The following DIAPH3 variants were observed in gnomAD, a reference collection of about 807,000 sequenced individuals.
DIAPH3 encodes protein diaphanous homolog 3.
DIAPH3 carries 117 observed loss-of-function variants against 144.3 expected under a neutral mutation model. The observed-to-expected ratio is 0.81, with a 90% confidence interval of 0.70 to 0.95. DIAPH3 has a LOEUF of 0.95. Among genes scored for constraint, DIAPH3 ranks in the 40% least tolerant of loss-of-function variants. DIAPH3 has a pLI of 0.00. For synonymous variants in DIAPH3, 519 were observed against 488.9 expected (o/e 1.06, Z -0.81); for missense variants, 1,421 against 1,412.7 (o/e 1.01, Z -0.09).
chr13:60,055,986 T>C (rs770483040), intron 4 of DIAPH3, among the ~76,000 whole-genome samples: 62 of 151,762 alleles, frequency 4.1e-4, no homozygotes, highest in Non-Finnish European at 7.5e-4. Context: ...TAATGTTTCA[T>C]ACACTTGAAA....
At chr13:60,104,620 A>G (rs533342077) in intron 3 of DIAPH3, among the ~76,000 whole-genome samples, 12 of 152,162 alleles carry the variant, frequency 7.9e-5, no homozygotes, top group African/African-American at 2.9e-4. Flanking sequence ...AAATTTAAAT[A>G]TCACTTTTCT....
chr13:59,810,857 T>C lies in DIAPH3; in HGVS notation c.3094A>G (p.Lys1032Glu). ...AGTCTTTCTCGCTCTGCTAATTCTT[T>C]AGCTATTCTGACACGTTTTTCTTTT... ...EEKEKRVRIA[K>E]ELAERERLER... The change falls in exon 25 of 28, where the codon AAA (lysine) becomes GAA (glutamate). Residue 1032 changes from lysine to glutamate, a missense_variant. Transcript: ENST00000400324. 1.9e-6 allele frequency: 3 copies of C among 1,613,584 alleles called. No individual in the cohort carries two copies. Among genetic ancestry groups the C allele is most frequent in the Non-Finnish European group, 2.5e-6 (3 of 1,179,910 alleles).
chr13:60,085,348 T>A (rs1445609203), intron 4 of DIAPH3, among the ~76,000 whole-genome samples: 1 of 152,114 alleles, frequency 6.6e-6, no homozygotes, highest in Non-Finnish European at 1.5e-5. Context: ...AAATGGTCCA[T>A]GCTTAGCCTT....
intron 24 of DIAPH3, among the ~76,000 whole-genome samples, chr13:59,827,986 T>A (rs2041545429): frequency 6.6e-6 from 1 of 152,058 alleles, no homozygotes; most frequent in South Asian, 2.1e-4. Context: ...GATTGGTTAA[T>A]AGCATGCAGT....
At chr13:59,700,195 G>A (rs2034024963) in intron 27 of DIAPH3, among the ~76,000 whole-genome samples, 1 of 152,174 alleles carries the variant, frequency 6.6e-6, no homozygotes, top group South Asian at 2.1e-4. Flanking sequence ...GGAGGAAAGA[G>A]CAATTCTAAT....
chr13:59,779,130 T>C (rs2038589363), intron 25 of DIAPH3, among the ~76,000 whole-genome samples: 1 of 152,202 alleles, frequency 6.6e-6, no homozygotes, highest in South Asian at 2.1e-4. Flanking sequence ...CTGGAACCTC[T>C]ACCCCTGCTC....
intron 17 of DIAPH3, among the ~76,000 whole-genome samples, chr13:59,961,921 C>T (rs889217450): frequency 6.6e-6 from 1 of 151,978 alleles, no homozygotes; most frequent in African/African-American, 2.4e-5. Flanking sequence ...TAATGAGTTT[C>T]ATATTTTGTC....
chr13:60,058,048 T>G (rs530890615), intron 4 of DIAPH3, among the ~76,000 whole-genome samples: 1 of 151,876 alleles, frequency 6.6e-6, no homozygotes, highest in South Asian at 2.1e-4. Context: ...AAATGGAACC[T>G]AATTAAACTT....
At chr13:59,761,749 GA>G (rs1485270878) in intron 27 of DIAPH3, among the ~76,000 whole-genome samples, 1 of 152,100 alleles carries the variant, frequency 6.6e-6, no homozygotes, top group Non-Finnish European at 1.5e-5. Flanking sequence ...GTAGAACAGA[GA>G]AAATTCCTCT....
chr13:59,920,507 T>A (rs1397276254), intron 18 of DIAPH3, among the ~76,000 whole-genome samples: 1 of 140,808 alleles, frequency 7.1e-6, no homozygotes, highest in African/African-American at 2.5e-5. Flanking sequence ...CTTGTAAACA[T>A]ATATATGTGT....
At chr13:60,002,035 G>C (rs2052555537) in intron 9 of DIAPH3, among the ~76,000 whole-genome samples, 1 of 152,160 alleles carries the variant, frequency 6.6e-6, no homozygotes, top group South Asian at 2.1e-4. Context: ...CTTCTTTGCT[G>C]AACAAGGGGA....
chr13:59,815,842 T>C (rs2067057462), intron 24 of DIAPH3, among the ~76,000 whole-genome samples: 1 of 152,178 alleles, frequency 6.6e-6, no homozygotes, highest in Admixed American at 6.5e-5. Flanking sequence ...TTGCTATTCA[T>C]AGAGTGCTAT....
At position 60,008,612 on chromosome 13, in the gene DIAPH3, C is replaced by T; in HGVS notation, c.946G>A (p.Glu316Lys). 5.0e-6 allele frequency: 8 copies of T among 1,612,966 alleles called. No homozygotes were observed. The highest frequency in any genetic ancestry group is 6.8e-6 in the Non-Finnish European group (8 of 1,179,620). Residue 316 changes from glutamate to lysine, a missense_variant, in exon 9 of 28, where the codon GAA becomes AAA. By Grantham distance (56) the Glu-to-Lys change is moderately conservative. Transcript: ENST00000400324. ...EVLEALTSAG[E>K]EKKIDRFFCI... ...AAAAATCTGTCAATTTTTTTTTCTT[C>T]ACCAGCTGAAGTTAAAGCTTCTAAA...
chr13:59,729,828 T>TTTTTTTC (rs1192781161), intron 27 of DIAPH3, among the ~76,000 whole-genome samples: 1 of 149,340 alleles, frequency 6.7e-6, no homozygotes, highest in East Asian at 2.0e-4. Flanking sequence ...TTTTTTTTTT[T>TTTTTTTC]TGAGATAGGG....
rs2032009632 is a variant in DIAPH3 at position 59,666,395 on chromosome 13, T to G, written c.*189A>C. The G allele has an allele frequency of 4.8e-6, 3 of 631,550 alleles. No homozygotes were observed. Among genetic ancestry groups the G allele is most frequent in the Non-Finnish European group, 7.6e-6 (3 of 395,594 alleles). The allele number at this position is 631,550 out of a possible 1,614,324, so 39.1% of individuals were successfully genotyped here. A position where few individuals can be genotyped will look rare whatever the true frequency, so the allele number is the denominator to read the frequency against. On this transcript the variant is annotated 3_prime_UTR_variant, in exon 28 of 28. Coordinates refer to ENST00000400324, the MANE Select transcript of DIAPH3 (RefSeq NM_001042517.2). ...AAAAGGATTAAAGCCCGGTACAATC[T>G]TGAATAAACCAAAACCTCCAGTACA... is the stretch of plus-strand genomic sequence containing the variant.
At chr13:59,774,328 T>C (rs1205030755) in intron 26 of DIAPH3, 80 bp from the exon 27 acceptor site, 1 of 1,204,088 alleles carries the variant, frequency 8.3e-7, no homozygotes, top group Middle Eastern at 2.5e-4. Context: ...GACATACTTT[T>C]TTCCAAGGTT....
rs574252481 is a variant in DIAPH3 at position 59,891,838 on chromosome 13, C to T, written c.2368-12370G>A. 5.3e-5 allele frequency among the ~76,000 whole-genome samples: 8 copies of T among 151,986 alleles called. No homozygotes were observed. In the South Asian group the frequency reaches 6.2e-4, roughly 12 times the overall value. On this transcript the variant is annotated intron_variant, in intron 20 of 27. Transcript: ENST00000400324. ...TTCATAGCTGAGCTGTAATAGTTACCGGTTGAGTAAACAGGTCAAAAAGTT... is the reference window on the plus strand; with the variant it reads ...TTCATAGCTGAGCTGTAATAGTTACTGGTTGAGTAAACAGGTCAAAAAGTT...
intron 4 of DIAPH3, 127 bp from the exon 5 acceptor site, chr13:60,042,947 T>C: frequency 9.2e-7 from 1 of 1,092,410 alleles, no homozygotes; most frequent in Non-Finnish European, 1.3e-6. Context: ...GCAAGGGTGG[T>C]AAATAATTTC....
intron 24 of DIAPH3, among the ~76,000 whole-genome samples, chr13:59,813,821 C>T (rs563928029): frequency 2.8e-4 from 41 of 147,872 alleles, no homozygotes; most frequent in Non-Finnish European, 5.5e-4. Context: ...GATCACACCA[C>T]TGTACTCCAG....
Sources: gnomAD v4.1 joint callset for allele counts (sites outside exome capture counted in the v4.1 genomes callset) on GRCh38, gnomAD v4.1.1 for gene constraint, MANE v1.5 for transcripts, NCBI Gene and HGNC (gene_info 2026-07-23, HGNC 2026-07-21) for gene names.